EXD1: variants seen among roughly 807,000 people sequenced by gnomAD.
The protein encoded by EXD1 is exonuclease 3'-5' domain containing 1.
EXD1 carries 63 observed loss-of-function variants against 49.1 expected under a neutral mutation model. That is an observed-to-expected ratio of 1.28 (90% CI 1.05 to 1.58). The LOEUF (loss-of-function observed/expected upper bound fraction) is 1.58, where lower values mean the gene tolerates loss of function less well. Among genes scored for constraint, EXD1 ranks in the 40% most tolerant of loss-of-function variants. EXD1 has a pLI of 0.00. For missense variants in EXD1, 748 were observed against 666.0 expected (o/e 1.12, Z -1.36); for synonymous variants, 234 against 239.2 (o/e 0.98, Z 0.20).
chr15:41,215,714 G>A, intron 6 of EXD1, 61 bp downstream of exon 6: 1 of 1,448,210 alleles, frequency 6.9e-7, no homozygotes, highest in Non-Finnish European at 9.6e-7. Context: ...AGAAATTTAT[G>A]ACACACAGAC....
At position 41,189,972 on chromosome 15, in the gene EXD1, G is replaced by C; in HGVS notation, c.1021C>G (p.Arg341Gly). Residue 341 changes from arginine (R) to glycine (G), a missense_variant, in exon 11 of 12, where the codon CGC becomes GGC. Physicochemically the swap from Arg to Gly is moderately radical, Grantham distance 125 (BLOSUM62 -2). Coordinates refer to ENST00000458580, the MANE Select transcript of EXD1 (RefSeq NM_001286441.2). ...TLVDGYLNTYREGSADRLGGT... is the reference protein window; with the variant it reads ...TLVDGYLNTYGEGSADRLGGT... The stretch of plus-strand genomic sequence containing the variant: ...CCAAGCCGGTCTGCAGACCCTTCGC[G>C]ATACGTGTTTAGGTAACCATCCACC... 6.2e-7 allele frequency: 1 copy of C among 1,614,064 alleles called. No homozygotes were observed. The highest frequency in any genetic ancestry group is 8.5e-7 in the Non-Finnish European group (1 of 1,179,998).
chr15:41,184,337 A>C lies in EXD1; in HGVS notation c.1313T>G (p.Leu438Arg). The C allele has an allele frequency of 6.2e-7, 1 of 1,614,202 alleles. No homozygotes were observed. The highest frequency in any genetic ancestry group is 1.3e-5 in the African/African-American group (1 of 75,044). The change falls in exon 12 of 12, where the codon CTG becomes CGG. Residue 438 changes from leucine to arginine, a missense_variant. Transcript: ENST00000458580. ...SQDFHGDVNLLKEESLNKQAT... is the reference protein window; with the variant it reads ...SQDFHGDVNLRKEESLNKQAT... ...TTGTTTATTCAAAGATTCTTCTTTC[A>C]GTAAATTCACATCCCCGTGAAAGTC... is the stretch of plus-strand genomic sequence containing the variant.
At chr15:41,229,485 C>T (rs2047206386) in intron 1 of EXD1, among the ~76,000 whole-genome samples, 3 of 151,588 alleles carry the variant, frequency 2.0e-5, no homozygotes, top group Admixed American at 6.6e-5. Flanking sequence ...AAAAACAAAA[C>T]AAGCCAGGTG....
chr15:41,209,642 T>C, intron 6 of EXD1, 55 bp from the exon 7 acceptor site: 3 of 1,460,372 alleles, frequency 2.1e-6, no homozygotes, highest in Non-Finnish European at 2.9e-6. Context: ...GTTGGCATGA[T>C]AACATCATGA....
chr15:41,203,929 A>AAAAC (rs1316518392), intron 7 of EXD1, among the ~76,000 whole-genome samples: 3 of 132,456 alleles, frequency 2.3e-5, no homozygotes, highest in African/African-American at 7.7e-5. Flanking sequence ...AAAAAAAAAA[A>AAAAC]AAAAAAAAAA....
chr15:41,226,779 C>G (rs151105992), intron 1 of EXD1, among the ~76,000 whole-genome samples, 151 bp from the exon 2 acceptor site: 6 of 152,076 alleles, frequency 3.9e-5, no homozygotes, highest in Non-Finnish European at 5.9e-5. Flanking sequence ...AGGATCATTG[C>G]AAGCACCAAC....
At chr15:41,202,658 G>A (rs1032046992) in intron 7 of EXD1, among the ~76,000 whole-genome samples, 11 of 152,058 alleles carry the variant, frequency 7.2e-5, no homozygotes, top group African/African-American at 2.4e-4. Context: ...GTAGAGACGG[G>A]GTTTCACTAA....
intron 2 of EXD1, among the ~76,000 whole-genome samples, chr15:41,223,392 G>A (rs1446360853): frequency 1.3e-5 from 2 of 150,946 alleles, no homozygotes; most frequent in Non-Finnish European, 3.0e-5. Context: ...TGCACTCCAG[G>A]CTGAATGACA....
chr15:41,216,447 C>G, intron 5 of EXD1, among the ~76,000 whole-genome samples: 1 of 152,094 alleles, frequency 6.6e-6, no homozygotes, highest in East Asian at 1.9e-4. Context: ...GCCTGATCAA[C>G]ATGGAGAAAC....
chr15:41,209,576 G>A lies in EXD1; in HGVS notation c.459C>T (p.Ile153=), dbSNP rs531047755. 2.5e-6 allele frequency: 4 copies of A among 1,614,028 alleles called. No individual in the cohort carries two copies. The highest frequency in any genetic ancestry group is 2.2e-5 in the East Asian group (1 of 44,880). Residue 153 remains isoleucine, a synonymous_variant, in exon 7 of 12, where the codon ATC becomes ATT. Coordinates refer to ENST00000458580, the MANE Select transcript of EXD1 (RefSeq NM_001286441.2). The part of the protein sequence containing the change: ...QQKFGAAILH[I]KKQNVLSVAA... ...CCACACTCAGGACATTCTGCTTCTT[G>A]ATATGGAGTATCTGGTAAGAAAAAG...
At position 41,217,873 on chromosome 15, in the gene EXD1, A is replaced by G. The variant is rs1027256126; in HGVS notation, c.203-719T>C. On this transcript the variant is annotated intron_variant, in intron 3 of 11. Coordinates refer to ENST00000458580, the MANE Select transcript of EXD1 (RefSeq NM_001286441.2). ...TTCAAGCAAAAAGCCTCTATGTTTC[A>G]AAAGTCTCTTTTCTCTGTACTATCT... Among the ~76,000 whole-genome samples the G allele has an allele frequency of 3.3e-5, 5 of 152,170 alleles. No homozygotes were observed. In the East Asian group the frequency reaches 5.8e-4, roughly 18 times the overall value.
chr15:41,202,656 G>A (rs916847545), intron 7 of EXD1, among the ~76,000 whole-genome samples: 16 of 151,926 alleles, frequency 1.1e-4, no homozygotes, highest in African/African-American at 2.7e-4. Flanking sequence ...TTGTAGAGAC[G>A]GGGTTTCACT....
In EXD1 at chr15:41,195,713, G is replaced by A. The variant is rs1451994194; in HGVS notation, c.720+62C>T. On this transcript the variant is annotated intron_variant, in intron 9 of 11. Coordinates refer to ENST00000458580, the MANE Select transcript of EXD1 (RefSeq NM_001286441.2). ...ACTTTCACTCATCAGATGACCAGAT[G>A]AGCCCTTTTATCTACAGGAGCTGTA... The A allele has an allele frequency of 7.1e-6, 9 of 1,268,912 alleles. No homozygotes were observed. The Admixed American group carries it at 2.3e-4, about 33-fold the overall frequency. 78.6% of individuals were successfully genotyped at this position (1,268,912 alleles called of 1,614,324 possible).
At chr15:41,215,747 A>G in intron 6 of EXD1, 28 bp downstream of exon 6, 1 of 1,604,104 alleles carries the variant, frequency 6.2e-7, no homozygotes, top group South Asian at 1.1e-5. Context: ...TACAGGCAAT[A>G]CTAGTAATGA....
chr15:41,227,357 G>A (rs557603674), intron 1 of EXD1, among the ~76,000 whole-genome samples: 13 of 152,010 alleles, frequency 8.6e-5, no homozygotes, highest in African/African-American at 1.4e-4. Context: ...ACAGTTCTAC[G>A]CTAAAGGTAT....
rs746516848 is a variant in EXD1, at chr15:41,183,908, C to T, written c.*23G>A. Reference sequence around the variant, plus strand: ...CAAAGGAAATAAGCCATCTGTATGGCCTTAAGAACAAACTGCCCATCTCTA... The same window carrying T: ...CAAAGGAAATAAGCCATCTGTATGGTCTTAAGAACAAACTGCCCATCTCTA... On this transcript the variant is annotated 3_prime_UTR_variant, in exon 12 of 12. Transcript: ENST00000458580. 1.3e-6 allele frequency: 2 copies of T among 1,550,068 alleles called. No individual in the cohort carries two copies. Among genetic ancestry groups the T allele is most frequent in the Non-Finnish European group, 1.7e-6 (2 of 1,150,892 alleles).
chr15:41,208,987 TA>T (rs111929217), intron 7 of EXD1, among the ~76,000 whole-genome samples: 61 of 146,452 alleles, frequency 4.2e-4, no homozygotes, highest in African/African-American at 9.4e-4. Context: ...CTACTGAGCT[TA>T]AAAAAAAAAA....
chr15:41,186,741 C>T (rs917719067), intron 11 of EXD1, among the ~76,000 whole-genome samples: 1 of 151,664 alleles, frequency 6.6e-6, no homozygotes, highest in Non-Finnish European at 1.5e-5. Context: ...CCTTACATTT[C>T]ATATAAGGGA....
chr15:41,224,893 G>A (rs1345135910), intron 2 of EXD1, among the ~76,000 whole-genome samples: 2 of 152,054 alleles, frequency 1.3e-5, no homozygotes, highest in East Asian at 3.9e-4. Context: ...ACCCTGGGAA[G>A]TTAAGGCTGC....
Sources: gnomAD v4.1 joint callset for allele counts (sites outside exome capture counted in the v4.1 genomes callset) on GRCh38, gnomAD v4.1.1 for gene constraint, MANE v1.5 for transcripts, NCBI Gene and HGNC (gene_info 2026-07-23, HGNC 2026-07-21) for gene names.